Variants in FBLN5 observed in about 807,000 individuals in gnomAD.
FBLN5 encodes fibulin 5.
Under a neutral mutation model 61.6 loss-of-function variants are expected in FBLN5, and 24 were observed. That is an observed-to-expected ratio of 0.39 (90% CI 0.28 to 0.55). The LOEUF is 0.55. FBLN5 is among the 20% of genes least tolerant of loss of function. The probability of loss-of-function intolerance (pLI) is 0.65; values close to 1 mark genes in which losing one functional copy is unlikely to be tolerated. For synonymous variants in FBLN5, 213 were observed against 219.8 expected (o/e 0.97, Z 0.27); for missense variants, 470 against 594.1 (o/e 0.79, Z 2.17).
At chr14:91,894,491 C>G (rs570602720) in intron 5 of FBLN5, among the ~76,000 whole-genome samples, 1 of 147,066 alleles carries the variant, frequency 6.8e-6, no homozygotes, top group Non-Finnish European at 1.5e-5. Context: ...ACTTTTGAGG[C>G]GGGCAGATGA....
chr14:91,924,547 T>C (rs1448016101), intron 4 of FBLN5, among the ~76,000 whole-genome samples: 1 of 151,568 alleles, frequency 6.6e-6, no homozygotes, highest in African/African-American at 2.4e-5. Context: ...AAATAGCTGG[T>C]AGCACACACC....
intron 6 of FBLN5, among the ~76,000 whole-genome samples, chr14:91,890,533 C>A (rs1041476801): frequency 6.6e-6 from 1 of 152,226 alleles, no homozygotes; most frequent in African/African-American, 2.4e-5. Context: ...TCTTAAGTCC[C>A]CCATTCACTT....
At chr14:91,903,353 C>T (rs1890540834) in intron 4 of FBLN5, among the ~76,000 whole-genome samples, 1 of 152,152 alleles carries the variant, frequency 6.6e-6, no homozygotes, top group Non-Finnish European at 1.5e-5. Flanking sequence ...CTCCCTTGAT[C>T]ACTGGTGGGG....
At chr14:91,917,575 C>CA (rs34458933) in intron 4 of FBLN5, among the ~76,000 whole-genome samples, 722 of 63,292 alleles carry the variant, frequency 0.011, 6 homozygotes, top group Middle Eastern at 0.047. Flanking sequence ...GACTCCATCT[C>CA]AAAAAAAAAA....
intron 4 of FBLN5, among the ~76,000 whole-genome samples, chr14:91,929,017 C>T (rs1447665535): frequency 6.6e-6 from 1 of 151,502 alleles, no homozygotes; most frequent in Non-Finnish European, 1.5e-5. Flanking sequence ...AAGATCGTGC[C>T]ACTGTACTCC....
At chr14:91,877,263 C>T (rs1889208634) in intron 10 of FBLN5, among the ~76,000 whole-genome samples, 1 of 152,160 alleles carries the variant, frequency 6.6e-6, no homozygotes, top group African/African-American at 2.4e-5. Flanking sequence ...GGCCTAACTT[C>T]CCATTTCACA....
intron 5 of FBLN5, among the ~76,000 whole-genome samples, chr14:91,892,468 C>T (rs901456740): frequency 1.3e-5 from 2 of 152,246 alleles, no homozygotes; most frequent in Non-Finnish European, 2.9e-5. Context: ...GACTCCACCT[C>T]CCAGATCCAT....
At chr14:91,881,121 A>ACACCCCCCCCCCC (rs71123306) in intron 9 of FBLN5, among the ~76,000 whole-genome samples, 171 bp downstream of exon 9, 1 of 1,024 alleles carries the variant, frequency 9.8e-4, no homozygotes, top group African/African-American at 1.5e-3. Context: ...GTTCTATTCT[A>ACACCCCCCCCCCC]CACACACACA....
chr14:91,886,530 T>A (rs113655279), intron 7 of FBLN5, among the ~76,000 whole-genome samples: 1,581 of 152,344 alleles, frequency 0.01, 38 homozygotes, highest in African/African-American at 0.035. Flanking sequence ...GCAGAAAATC[T>A]TATTTCCTTG....
intron 4 of FBLN5, among the ~76,000 whole-genome samples, chr14:91,929,667 C>G (rs1283047755): frequency 6.6e-6 from 1 of 152,116 alleles, no homozygotes; most frequent in Non-Finnish European, 1.5e-5. Flanking sequence ...ACACATTCTT[C>G]TAACAAATTC....
intron 6 of FBLN5, 119 bp from the exon 7 acceptor site, chr14:91,887,431 C>A: frequency 2.0e-6 from 2 of 1,014,218 alleles, no homozygotes; most frequent in Non-Finnish European, 3.1e-6. Context: ...TCCCAGGTAC[C>A]AAGGCTCTCC....
At chr14:91,877,739 G>GCCT in intron 9 of FBLN5, 57 bp from the exon 10 acceptor site, 1 of 1,381,602 alleles carries the variant, frequency 7.2e-7, no homozygotes. Flanking sequence ...TGCTGGCTGT[G>GCCT]CCTACTTCCT....
intron 4 of FBLN5, among the ~76,000 whole-genome samples, chr14:91,929,080 A>AACACACACACACAC (rs113397883): frequency 7.0e-6 from 1 of 143,182 alleles, no homozygotes; most frequent in African/African-American, 2.6e-5. Flanking sequence ...CCTGTCTCAA[A>AACACACACACACAC]ACACACACAC....
chr14:91,877,250 C>T (rs1889208087), intron 10 of FBLN5, among the ~76,000 whole-genome samples: 1 of 152,178 alleles, frequency 6.6e-6, no homozygotes, highest in Admixed American at 6.5e-5. Flanking sequence ...AAGATTGCAT[C>T]TTGGCCTAAC....
chr14:91,875,950 C>T (rs566993222), intron 10 of FBLN5, among the ~76,000 whole-genome samples: 2 of 152,316 alleles, frequency 1.3e-5, no homozygotes, highest in South Asian at 2.1e-4. Context: ...CAGGTTTGAT[C>T]CAACAGCGTG....
chr14:91,908,665 C>A (rs553998584), intron 4 of FBLN5, among the ~76,000 whole-genome samples: 5 of 152,170 alleles, frequency 3.3e-5, no homozygotes, highest in African/African-American at 1.2e-4. Context: ...TCCAGTGTTT[C>A]GCCAAATGTG....
chr14:91,909,518 A>G (rs540820986), intron 4 of FBLN5, among the ~76,000 whole-genome samples: 1 of 152,288 alleles, frequency 6.6e-6, no homozygotes, highest in Non-Finnish European at 1.5e-5. Context: ...TAAAATTCTT[A>G]GGTCGATTAC....
intron 4 of FBLN5, among the ~76,000 whole-genome samples, chr14:91,909,160 G>A (rs914188603): frequency 2.6e-4 from 39 of 151,980 alleles, no homozygotes; most frequent in African/African-American, 8.2e-4. Context: ...CTCGTGATCC[G>A]CCTGCCTCGG....
chr14:91,881,430 G>A lies in FBLN5; in HGVS notation c.863-12C>T, dbSNP rs969303113. ...ACATTCGTTGATGTCTGAAATGCAG[G>A]GGAGACAAGAAGCGGAGGCAGGGCA... On this transcript the variant is annotated splice_polypyrimidine_tract_variant and intron_variant, in intron 8 of 10. Coordinates refer to ENST00000342058, the MANE Select transcript of FBLN5 (RefSeq NM_006329.4). 6.2e-7 allele frequency: 1 copy of A among 1,614,008 alleles called. No homozygotes were observed. Among genetic ancestry groups the A allele is most frequent in the African/African-American group, 1.3e-5 (1 of 74,940 alleles).
Sources: gnomAD v4.1 joint callset for allele counts (sites outside exome capture counted in the v4.1 genomes callset) on GRCh38, gnomAD v4.1.1 for gene constraint, MANE v1.5 for transcripts, NCBI Gene and HGNC (gene_info 2026-07-23, HGNC 2026-07-21) for gene names.